GPC5: variants seen among roughly 807,000 people sequenced by gnomAD.
GPC5 encodes the protein glypican 5, also known as glypican-5.
Under a neutral mutation model 53.9 loss-of-function variants are expected in GPC5, and 47 were observed. The ratio of observed to expected loss-of-function variants is 0.87; its 90% CI spans 0.69 to 1.11. GPC5 has a LOEUF of 1.11. Among genes scored for constraint, GPC5 ranks in the 50% most tolerant of loss-of-function variants. The pLI is 0.00. For missense variants in GPC5, 748 were observed against 713.1 expected, an observed-to-expected ratio of 1.05 and a Z score of -0.56; for synonymous variants, 286 against 263.3, an observed-to-expected ratio of 1.09 and a Z score of -0.84.
intron 7 of GPC5, among the ~76,000 whole-genome samples, chr13:92,294,805 G>A (rs1566524574): frequency 1.6e-5 from 2 of 122,360 alleles, no homozygotes; most frequent in African/African-American, 3.0e-5. Flanking sequence ...TGTTTGTGCT[G>A]TTTCTTTCTT....
At chr13:92,062,399 T>C (rs939845276) in intron 6 of GPC5, among the ~76,000 whole-genome samples, 1 of 152,000 alleles carries the variant, frequency 6.6e-6, no homozygotes, top group Non-Finnish European at 1.5e-5. Context: ...TGTGAGATTT[T>C]CCAAACACTG....
intron 2 of GPC5, among the ~76,000 whole-genome samples, chr13:91,685,546 C>T (rs879424242): frequency 6.6e-6 from 1 of 152,172 alleles, no homozygotes; most frequent in Non-Finnish European, 1.5e-5. Context: ...CCCCTACCCT[C>T]TTTTATCCCT....
intron 7 of GPC5, among the ~76,000 whole-genome samples, chr13:92,649,123 A>G (rs958506192): frequency 6.6e-6 from 1 of 152,172 alleles, no homozygotes; most frequent in Non-Finnish European, 1.5e-5. Flanking sequence ...AGACAATGGC[A>G]TATTTCTAAA....
chr13:92,475,309 C>T (rs1429326406), intron 7 of GPC5, among the ~76,000 whole-genome samples: 3 of 147,268 alleles, frequency 2.0e-5, no homozygotes, highest in Non-Finnish European at 3.0e-5. Context: ...GCCATTTTCA[C>T]GATATTGATT....
At chr13:91,836,387 G>A (rs1287043285) in intron 5 of GPC5, among the ~76,000 whole-genome samples, 1 of 151,918 alleles carries the variant, frequency 6.6e-6, no homozygotes, top group African/African-American at 2.4e-5. Context: ...GTATTTCAGG[G>A]ACAGAAGCAT....
Position 91,446,721 on chromosome 13 carries a change from CTT to C in GPC5, c.164-2039_164-2038del. On this transcript the variant is annotated intron_variant, in intron 1 of 7. Transcript: ENST00000377067. ...CTCTTTCCCTGAGGATTTTGTTCAT[CTT>C]GTCTGTCTTTTGGATTGATATAGTA... 2.0e-5 allele frequency among the ~76,000 whole-genome samples: 3 copies of C among 152,282 alleles called. No individual in the cohort carries two copies. The Middle Eastern group carries it at 0.01, about 518-fold the overall frequency.
At chr13:92,695,842 C>A (rs1887541386) in intron 7 of GPC5, among the ~76,000 whole-genome samples, 1 of 151,918 alleles carries the variant, frequency 6.6e-6, no homozygotes, top group African/African-American at 2.4e-5. Context: ...CTGTTATTAT[C>A]CCTCCCCTAG....
chr13:92,580,879 G>C (rs1346161544), intron 7 of GPC5, among the ~76,000 whole-genome samples: 1 of 152,072 alleles, frequency 6.6e-6, no homozygotes, highest in Non-Finnish European at 1.5e-5. Context: ...ATATGAGTGA[G>C]GACAAATATC....
At chr13:91,599,106 G>A (rs184077449) in intron 2 of GPC5, among the ~76,000 whole-genome samples, 43 of 152,066 alleles carry the variant, frequency 2.8e-4, no homozygotes, top group Middle Eastern at 3.4e-3. Flanking sequence ...TTGTAGAGTG[G>A]CCTGAGATTT....
intron 2 of GPC5, among the ~76,000 whole-genome samples, chr13:91,458,620 C>T (rs778147481): frequency 1.3e-5 from 2 of 152,062 alleles, no homozygotes; most frequent in African/African-American, 4.8e-5. Context: ...GGCATGGATG[C>T]GGTGAAAAGG....
intron 7 of GPC5, among the ~76,000 whole-genome samples, chr13:92,636,653 C>A (rs764729376): frequency 6.6e-6 from 1 of 152,058 alleles, no homozygotes; most frequent in Non-Finnish European, 1.5e-5. Context: ...AACCATTGTC[C>A]GTAATTTTAT....
At chr13:91,648,164 A>G (rs1751146997) in intron 2 of GPC5, among the ~76,000 whole-genome samples, 1 of 152,194 alleles carries the variant, frequency 6.6e-6, no homozygotes, top group African/African-American at 2.4e-5. Flanking sequence ...TGCTATCCTG[A>G]TTCCAGGATG....
At chr13:92,711,206 G>A (rs1248227852) in intron 7 of GPC5, among the ~76,000 whole-genome samples, 1 of 152,078 alleles carries the variant, frequency 6.6e-6, no homozygotes, top group Non-Finnish European at 1.5e-5. Flanking sequence ...TGTCAATAAT[G>A]TCACCATTAC....
chr13:92,164,595 T>C (rs2042013841), intron 7 of GPC5, among the ~76,000 whole-genome samples: 1 of 152,186 alleles, frequency 6.6e-6, no homozygotes, highest in Non-Finnish European at 1.5e-5. Context: ...TTTCACAGGC[T>C]GGTGTTGAGT....
chr13:92,003,066 T>G (rs2040570087), intron 6 of GPC5, among the ~76,000 whole-genome samples: 1 of 152,116 alleles, frequency 6.6e-6, no homozygotes, highest in Admixed American at 6.5e-5. Context: ...ATCCCAGCAC[T>G]TTGGGAGGCC....
chr13:91,469,370 A>G (rs1262775156), intron 2 of GPC5, among the ~76,000 whole-genome samples: 1 of 152,002 alleles, frequency 6.6e-6, no homozygotes. Context: ...TGGCCTTCCA[A>G]AGTGTTGAGA....
chr13:92,377,624 A>G (rs978744899), intron 7 of GPC5, among the ~76,000 whole-genome samples: 1 of 152,214 alleles, frequency 6.6e-6, no homozygotes, highest in Non-Finnish European at 1.5e-5. Context: ...CTAACTTATG[A>G]AAAATTCATA....
At chr13:92,574,283 C>T (rs1480287820) in intron 7 of GPC5, among the ~76,000 whole-genome samples, 1 of 152,148 alleles carries the variant, frequency 6.6e-6, no homozygotes, top group African/African-American at 2.4e-5. Flanking sequence ...TCTGCTAGCA[C>T]CTTTTCAGAG....
At chr13:91,474,901 G>A (rs928191223) in intron 2 of GPC5, among the ~76,000 whole-genome samples, 4 of 152,072 alleles carry the variant, frequency 2.6e-5, no homozygotes, top group Non-Finnish European at 5.9e-5. Flanking sequence ...TACTATTAAA[G>A]TATATAGCAT....
Sources: gnomAD v4.1 joint callset for allele counts (sites outside exome capture counted in the v4.1 genomes callset) on GRCh38, gnomAD v4.1.1 for gene constraint, MANE v1.5 for transcripts, NCBI Gene and HGNC (gene_info 2026-07-23, HGNC 2026-07-21) for gene names.